Variants in HERC5 observed in about 807,000 individuals in gnomAD.
HERC5 encodes HECT and RLD domain containing E3 ubiquitin protein ligase 5, also known as E3 ISG15--protein ligase HERC5.
A neutral mutation model predicts 119.6 loss-of-function variants in HERC5; 99 were observed. That is an observed-to-expected ratio of 0.83 (90% CI 0.70 to 0.98). The LOEUF (loss-of-function observed/expected upper bound fraction) is 0.98, where lower values mean the gene tolerates loss of function less well. Ranked by LOEUF, HERC5 falls within the 50% of genes least tolerant of loss-of-function variation. The pLI, the probability that HERC5 is intolerant of heterozygous loss-of-function variation, is 0.00. For synonymous variants in HERC5, 478 were observed against 445.9 expected (o/e 1.07, Z -0.91); for missense variants, 1,267 against 1,241.3 (o/e 1.02, Z -0.31).
At chr4:88,459,804 T>C (rs1235001744) in intron 2 of HERC5, among the ~76,000 whole-genome samples, 1 of 152,174 alleles carries the variant, frequency 6.6e-6, no homozygotes, top group Non-Finnish European at 1.5e-5. Flanking sequence ...TGAAATAATT[T>C]GTGAGACTTT....
At chr4:88,492,988 G>A in intron 16 of HERC5, 24 bp from the exon 17 acceptor site, 2 of 1,611,800 alleles carry the variant, frequency 1.2e-6, no homozygotes, top group Non-Finnish European at 1.7e-6. Context: ...TGGAAGTGAT[G>A]TATTATTTGC....
Position 88,469,153 on chromosome 4 carries a change from A to G in HERC5, c.1135-4A>G. 6.3e-7 allele frequency: 1 copy of G among 1,585,438 alleles called. No homozygotes were observed. Among genetic ancestry groups the G allele is most frequent in the Non-Finnish European group, 8.6e-7 (1 of 1,156,148 alleles). ...TTGTATTTTACTTTCCTGTTTGTTT[A>G]CAGAATTCATATGTTAATCTGAAGA... On this transcript the variant is annotated splice_region_variant and splice_polypyrimidine_tract_variant and intron_variant, in intron 8 of 22. Coordinates refer to ENST00000264350, the MANE Select transcript of HERC5 (RefSeq NM_016323.4).
chr4:88,472,310 GAAAA>G, intron 10 of HERC5, 95 bp from the exon 11 acceptor site: 1 of 710,738 alleles, frequency 1.4e-6, no homozygotes, highest in Non-Finnish European at 2.5e-6. Context: ...ACACACTTGA[GAAAA>G]AAGGTAATTT....
At chr4:88,482,867 G>T (rs1741326794) in intron 13 of HERC5, among the ~76,000 whole-genome samples, 1 of 152,102 alleles carries the variant, frequency 6.6e-6, no homozygotes, top group African/African-American at 2.4e-5. Context: ...CTGGCCTAAA[G>T]TGATCTGCCT....
intron 17 of HERC5, among the ~76,000 whole-genome samples, chr4:88,493,395 CATGGATTAA>C (rs1311998670): frequency 6.6e-6 from 1 of 152,060 alleles, no homozygotes; most frequent in African/African-American, 2.4e-5. Context: ...TTATATAATG[CATGGATTAA>C]AAAGGAACCC....
chr4:88,493,044 C>A lies in HERC5; in HGVS notation c.2166C>A (p.Leu722=). 1 of 1,613,846 alleles carries A rather than the reference C, an allele frequency of 6.2e-7. No individual in the cohort carries two copies. The highest frequency in any genetic ancestry group is 2.2e-5 in the East Asian group (1 of 44,862). ...TTAGTGGAGAAATTGGGTATGACCT[C>A]GGAGGAGTCAAGAAAGAGTTCTTCT... is the stretch of plus-strand genomic sequence containing the variant. The part of the protein sequence containing the change: ...VSFSGEIGYD[L]GGVKKEFFYC... Residue 722 remains leucine (L), a synonymous_variant, in exon 17 of 23, where the codon CTC becomes CTA. Transcript: ENST00000264350.
Position 88,457,242 on chromosome 4 carries a change from TCTGGGC to T in HERC5, c.-22_-17del. The T allele has an allele frequency of 2.3e-6, 3 of 1,307,100 alleles. No homozygotes were observed. Among genetic ancestry groups the T allele is most frequent in the Admixed American group, 8.3e-5 (2 of 24,220 alleles). 81.0% of individuals were successfully genotyped at this position (1,307,100 alleles called of 1,614,324 possible). ...GGACCAGGCGTTCTCTCCTCTCGCC[TCTGGGC>T]CTGGGACCCCGCAAAGCGGCGATGG... On this transcript the variant is annotated 5_prime_UTR_variant, in exon 1 of 23. Transcript: ENST00000264350.
intron 18 of HERC5, among the ~76,000 whole-genome samples, chr4:88,494,797 A>G (rs1305560831): frequency 6.6e-6 from 1 of 152,238 alleles, no homozygotes; most frequent in Non-Finnish European, 1.5e-5. Context: ...GTATCCAAGA[A>G]GGCAACCTGG....
In HERC5 at chr4:88,457,305, C is replaced by T. The variant is rs967390190; in HGVS notation, c.36C>T (p.Asn12=). The T allele has an allele frequency of 3.6e-6, 5 of 1,370,196 alleles. No individual in the cohort carries two copies. In the East Asian group the frequency reaches 9.2e-5, roughly 25 times the overall value. The allele number at this position is 1,370,196 out of a possible 1,614,324, so 84.9% of individuals were successfully genotyped here. Residue 12 remains asparagine (N), a synonymous_variant, in exon 1 of 23, where the codon AAC becomes AAT. Coordinates refer to ENST00000264350, the MANE Select transcript of HERC5 (RefSeq NM_016323.4). The part of the protein sequence containing the change: ...ERRSRRKSRR[N]GRSTAGKAAA... ...GGTCGCGGAGGAAGTCGCGGCGCAA[C>T]GGGCGCTCGACCGCGGGCAAGGCCG...
intron 16 of HERC5, among the ~76,000 whole-genome samples, chr4:88,490,324 G>C (rs1398464940): frequency 6.6e-6 from 1 of 152,120 alleles, no homozygotes; most frequent in Non-Finnish European, 1.5e-5. Context: ...GGGAAACTGA[G>C]GTACAGAACT....
At chr4:88,478,476 CAAA>C (rs903038235) in intron 12 of HERC5, among the ~76,000 whole-genome samples, 3 of 151,732 alleles carry the variant, frequency 2.0e-5, no homozygotes, top group Non-Finnish European at 2.9e-5. Context: ...TCAAAGGACA[CAAA>C]GAAGCAGATG....
At chr4:88,495,365 A>G (rs1741767846) in intron 18 of HERC5, among the ~76,000 whole-genome samples, 1 of 152,122 alleles carries the variant, frequency 6.6e-6, no homozygotes, top group South Asian at 2.1e-4. Flanking sequence ...CCTGACCAAC[A>G]CGGCGAGACC....
At chr4:88,498,016 G>A (rs916571775) in intron 18 of HERC5, among the ~76,000 whole-genome samples, 5 of 152,208 alleles carry the variant, frequency 3.3e-5, no homozygotes, top group Non-Finnish European at 4.4e-5. Flanking sequence ...AGCTGACCCA[G>A]GTGTGACTCC....
intron 1 of HERC5, among the ~76,000 whole-genome samples, 160 bp downstream of exon 1, chr4:88,457,694 C>G (rs1234274790): frequency 6.6e-6 from 1 of 152,224 alleles, no homozygotes; most frequent in African/African-American, 2.4e-5. Context: ...CGCACCTGAG[C>G]TGTCTTTTAT....
chr4:88,494,729 G>A (rs1741750174), intron 18 of HERC5, among the ~76,000 whole-genome samples: 1 of 152,148 alleles, frequency 6.6e-6, no homozygotes, highest in African/African-American at 2.4e-5. Flanking sequence ...CAGTAAAAGG[G>A]TTTTCATATC....
intron 10 of HERC5, among the ~76,000 whole-genome samples, chr4:88,472,145 G>T (rs1329178391): frequency 2.0e-5 from 3 of 151,740 alleles, no homozygotes; most frequent in Non-Finnish European, 4.4e-5. Context: ...TTTTAAACTG[G>T]GAAATATTAA....
intron 20 of HERC5, among the ~76,000 whole-genome samples, chr4:88,503,983 C>G (rs1742026145): frequency 6.6e-6 from 1 of 151,910 alleles, no homozygotes; most frequent in Admixed American, 6.6e-5. Context: ...AGGAGAATCT[C>G]TTGAACCCAG....
At position 88,463,588 on chromosome 4, in the gene HERC5, G is replaced by T. The variant is rs778345432; in HGVS notation, c.745G>T (p.Ala249Ser). The change falls in exon 5 of 23, where the codon GCT becomes TCT. Residue 249 changes from alanine to serine, a missense_variant. By Grantham distance (99) the Ala-to-Ser change is moderately conservative. This residue lies in a region of HERC5 where 777 missense variants were observed against 758.0 expected (regional missense o/e 1.03). Coordinates refer to ENST00000264350, the MANE Select transcript of HERC5 (RefSeq NM_016323.4). ...AGACAATCAGAAAGTTGAATTTGTC[G>T]CTTGTGGTGGCTCTCACAGTGCCCT... Reference protein sequence around the residue: ...GLDNQKVEFVACGGSHSALLT... With the variant: ...GLDNQKVEFVSCGGSHSALLT... The T allele has an allele frequency of 4.3e-6, 7 of 1,613,898 alleles. No individual in the cohort carries two copies. Among genetic ancestry groups the T allele is most frequent in the South Asian group, 1.1e-5 (1 of 91,064 alleles).
intron 11 of HERC5, among the ~76,000 whole-genome samples, chr4:88,475,066 A>T (rs866408595): frequency 5.9e-5 from 9 of 151,590 alleles, no homozygotes; most frequent in Non-Finnish European, 1.3e-4. Context: ...GCTCTTATGG[A>T]AGATAATGAG....
Sources: gnomAD v4.1 joint callset for allele counts (sites outside exome capture counted in the v4.1 genomes callset) on GRCh38, gnomAD v4.1.1 for gene constraint, gnomAD v4.1.1 regional missense constraint, MANE v1.5 for transcripts, NCBI Gene and HGNC (gene_info 2026-07-23, HGNC 2026-07-21) for gene names.